CEP350: variants seen among roughly 807,000 people sequenced by gnomAD.
CEP350 encodes the protein centrosomal protein 350.
CEP350 carries 126 observed loss-of-function variants against 331.8 expected under a neutral mutation model. The ratio of observed to expected loss-of-function variants is 0.38; its 90% CI spans 0.33 to 0.44. CEP350 has a LOEUF of 0.44. Among genes scored for constraint, CEP350 ranks in the 20% least tolerant of loss-of-function variants. CEP350 has a pLI of 1.00. For missense variants in CEP350, 3,406 were observed against 3,634.6 expected, an observed-to-expected ratio of 0.94 and a Z score of 1.62; for synonymous variants, 1,200 against 1,259.5, an observed-to-expected ratio of 0.95 and a Z score of 1.00.
In CEP350 at chr1:180,034,065, A is replaced by G. The variant is rs1656192369; in HGVS notation, c.3929A>G (p.Asn1310Ser). 1.9e-6 allele frequency: 3 copies of G among 1,613,756 alleles called. No homozygotes were observed. Among genetic ancestry groups the G allele is most frequent in the Non-Finnish European group, 2.5e-6 (3 of 1,179,752 alleles). Residue 1310 changes from asparagine to serine, a missense_variant, in exon 16 of 38, where the codon AAC becomes AGC. This residue lies in a region of CEP350 where 1,857 missense variants were observed against 1,909.2 expected (regional missense o/e 0.97). Coordinates refer to ENST00000367607, the MANE Select transcript of CEP350 (RefSeq NM_014810.5). ...GCAGCCAGCAGAACAACGACAGAGA[A>G]CATGGCTCCAATACCAGGTAAGTAG... ...NPAASRTTTE[N>S]MAPIPGSKRF...
intron 5 of CEP350, among the ~76,000 whole-genome samples, chr1:179,996,150 A>C (rs1471160854): frequency 1.3e-5 from 2 of 152,088 alleles, no homozygotes; most frequent in African/African-American, 4.8e-5. Context: ...ATTTTACTTG[A>C]TAGAGGGGGT....
intron 21 of CEP350, among the ~76,000 whole-genome samples, chr1:180,047,659 G>T (rs1170676062): frequency 3.3e-5 from 5 of 151,110 alleles, no homozygotes; most frequent in African/African-American, 9.7e-5. Flanking sequence ...CTACTCGGGA[G>T]GCTGAGGCAG....
At chr1:179,970,497 A>G (rs192381108) in intron 1 of CEP350, among the ~76,000 whole-genome samples, 1 of 152,336 alleles carries the variant, frequency 6.6e-6, no homozygotes, top group East Asian at 1.9e-4. Context: ...TGTTGAGGAT[A>G]GATAGTAGGA....
chr1:179,999,664 C>T (rs536756340), intron 6 of CEP350, among the ~76,000 whole-genome samples: 50 of 152,218 alleles, frequency 3.3e-4, no homozygotes, highest in African/African-American at 1.0e-3. Flanking sequence ...TTGTGCTTGG[C>T]CCCCTTTCTG....
intron 11 of CEP350, among the ~76,000 whole-genome samples, chr1:180,016,818 C>T (rs1053156055): frequency 6.6e-6 from 1 of 151,860 alleles, no homozygotes; most frequent in Non-Finnish European, 1.5e-5. Flanking sequence ...TGTGCCACTA[C>T]CACCTGGCTA....
In CEP350 at chr1:179,997,914, G is replaced by A. The variant is rs567649910; in HGVS notation, c.1018+739G>A. 9.2e-5 allele frequency among the ~76,000 whole-genome samples: 14 copies of A among 151,998 alleles called. No individual in the cohort carries two copies. The South Asian group carries it at 1.5e-3, about 16-fold the overall frequency. ...GATATTTTAACCTTCAACTTTTAAC[G>A]TGAATGATTTACCATCCTCATATTT... On this transcript the variant is annotated intron_variant, in intron 6 of 37. Coordinates refer to ENST00000367607, the MANE Select transcript of CEP350 (RefSeq NM_014810.5).
chr1:180,052,478 A>G (rs562707656), intron 22 of CEP350, among the ~76,000 whole-genome samples: 1 of 152,258 alleles, frequency 6.6e-6, no homozygotes. Context: ...AGAAGTATTC[A>G]ATAAAAAAAA....
At chr1:180,066,082 T>C (rs981675788) in intron 27 of CEP350, among the ~76,000 whole-genome samples, 1 of 152,168 alleles carries the variant, frequency 6.6e-6, no homozygotes, top group Non-Finnish European at 1.5e-5. Context: ...AACATTCTTC[T>C]AAAATAGTTC....
At chr1:179,988,363 T>G (rs1368264991) in intron 3 of CEP350, among the ~76,000 whole-genome samples, 1 of 152,014 alleles carries the variant, frequency 6.6e-6, no homozygotes, top group African/African-American at 2.4e-5. Flanking sequence ...GAAAGCTCAT[T>G]GTTAGGGAGG....
At chr1:180,007,839 CGTGTGTGTGTGTGTGT>C (rs71118426) in intron 8 of CEP350, among the ~76,000 whole-genome samples, 11 of 141,008 alleles carry the variant, frequency 7.8e-5, no homozygotes, top group African/African-American at 2.3e-4. Context: ...TTTTATGTAT[CGTGTGTGTGTGTGTGT>C]GTGTGTGTGT....
intron 1 of CEP350, among the ~76,000 whole-genome samples, chr1:179,980,834 A>T (rs1185858648): frequency 6.6e-6 from 1 of 152,160 alleles, no homozygotes; most frequent in Non-Finnish European, 1.5e-5. Flanking sequence ...TTGTTAGCAC[A>T]AGCAGTTGAT....
intron 28 of CEP350, among the ~76,000 whole-genome samples, chr1:180,077,254 TA>T (rs951942376): frequency 6.6e-6 from 1 of 151,940 alleles, no homozygotes; most frequent in Admixed American, 6.6e-5. Flanking sequence ...ATATATTTTT[TA>T]AAAAAGATAC....
At position 180,093,778 on chromosome 1, in the gene CEP350, C is replaced by T. The variant is rs756978439; in HGVS notation, c.7673C>T (p.Ala2558Val). The T allele has an allele frequency of 1.3e-5, 21 of 1,613,618 alleles. No homozygotes were observed. Among genetic ancestry groups the T allele is most frequent in the Non-Finnish European group, 1.6e-5 (19 of 1,179,706 alleles). The change falls in exon 34 of 38, where the codon GCT (alanine) becomes GTT (valine). Residue 2558 changes from alanine to valine, a missense_variant. By Grantham distance (64) the Ala-to-Val change is moderately conservative. This residue lies in a region of CEP350 where 1,415 missense variants were observed against 1,512.3 expected (regional missense o/e 0.94). Coordinates refer to ENST00000367607, the MANE Select transcript of CEP350 (RefSeq NM_014810.5). ...FECKEKHGIF[A>V]PPQKISHIPE... is the part of the protein sequence containing the mutation. ...TGCAAAGAAAAGCATGGTATTTTTG[C>T]TCCTCCTCAAAAAATATCTCACATT... is the stretch of plus-strand genomic sequence containing the variant.
intron 14 of CEP350, among the ~76,000 whole-genome samples, chr1:180,025,049 C>T (rs954497471): frequency 2.6e-5 from 4 of 151,776 alleles, no homozygotes; most frequent in Admixed American, 6.6e-5. Flanking sequence ...CTCAGCCTCC[C>T]GAGTAGCTGG....
In CEP350 at chr1:180,094,066, A is replaced by G. The variant is rs1660344690; in HGVS notation, c.7961A>G (p.Gln2654Arg). Residue 2654 changes from glutamine (Q) to arginine (R), a missense_variant, in exon 34 of 38, where the codon CAG becomes CGG. Gln to Arg is a conservative substitution (Grantham distance 43). Around this residue, in one of 5 missense-constraint regions of CEP350, gnomAD observed 1,415 missense variants for 1,512.3 expected, o/e 0.94. Transcript: ENST00000367607. ...GTACTTGAAGCCCATGTTCACCAGC[A>G]GTCTTCAGTGGATTCACAGATTTCT... The part of the protein sequence containing the change: ...SGVLEAHVHQ[Q>R]SSVDSQISSK... 1 of 1,613,788 alleles carries G rather than the reference A, an allele frequency of 6.2e-7. No homozygotes were observed. The highest frequency in any genetic ancestry group is 8.5e-7 in the Non-Finnish European group (1 of 1,179,844).
intron 7 of CEP350, among the ~76,000 whole-genome samples, chr1:180,004,923 CTT>C (rs869242623): frequency 2.6e-5 from 2 of 76,044 alleles, no homozygotes; most frequent in African/African-American, 6.7e-5. Context: ...TTCTTTCTTT[CTT>C]TCTTTCTTTC....
At chr1:179,990,800 T>A (rs570069992) in intron 4 of CEP350, among the ~76,000 whole-genome samples, 179 bp downstream of exon 4, 1 of 152,302 alleles carries the variant, frequency 6.6e-6, no homozygotes, top group Non-Finnish European at 1.5e-5. Flanking sequence ...TAAGTAATCC[T>A]CTCATCTTGG....
Position 179,987,284 on chromosome 1 carries a change from G to T in CEP350, c.118G>T (p.Ala40Ser). Residue 40 changes from alanine to serine, a missense_variant and splice_region_variant, in exon 3 of 38, where the codon GCT (alanine) becomes TCT (serine). Coordinates refer to ENST00000367607, the MANE Select transcript of CEP350 (RefSeq NM_014810.5). ...GGATGCACTTTCTCAAACCAAGGCT[G>T]CTGTAAGTAGTTTTAGCTTCCATTT... ...SWDALSQTKA[A>S]LRHIENKLEV... 6.5e-7 allele frequency: 1 copy of T among 1,538,402 alleles called. No individual in the cohort carries two copies. The highest frequency in any genetic ancestry group is 1.7e-5 in the Admixed American group (1 of 57,222).
intron 15 of CEP350, 97 bp downstream of exon 15, chr1:180,031,591 T>A: frequency 2.0e-6 from 1 of 506,864 alleles, no homozygotes; most frequent in Non-Finnish European, 3.1e-6. Context: ...GCAGTCCCCT[T>A]AACTGTGCAT....
Sources: gnomAD v4.1 joint callset for allele counts (sites outside exome capture counted in the v4.1 genomes callset) on GRCh38, gnomAD v4.1.1 for gene constraint, gnomAD v4.1.1 regional missense constraint, MANE v1.5 for transcripts, NCBI Gene and HGNC (gene_info 2026-07-23, HGNC 2026-07-21) for gene names.